SLC25A44: variants seen among roughly 807,000 people sequenced by gnomAD.
SLC25A44 encodes the protein solute carrier family 25, member 44.
SLC25A44 carries 17 observed loss-of-function variants against 29.9 expected under a neutral mutation model. The ratio of observed to expected loss-of-function variants is 0.57; its 90% CI spans 0.39 to 0.85. The LOEUF (loss-of-function observed/expected upper bound fraction) is 0.85, where lower values mean the gene tolerates loss of function less well. Ranked by LOEUF, SLC25A44 falls within the 40% of genes least tolerant of loss-of-function variation. The pLI, the probability that SLC25A44 is intolerant of heterozygous loss-of-function variation, is 0.00. For missense variants in SLC25A44, 302 were observed against 398.4 expected, an observed-to-expected ratio of 0.76 and a Z score of 2.06; for synonymous variants, 140 against 151.8, an observed-to-expected ratio of 0.92 and a Z score of 0.57.
rs35620511 is a variant in SLC25A44 at position 156,200,831 on chromosome 1, A to ATTTTTTT, written c.625+375_625+381dup. Among the ~76,000 whole-genome samples, 5 of 99,884 alleles carry ATTTTTTT rather than the reference A, an allele frequency of 5.0e-5. 1 individual carries two copies. The highest frequency in any genetic ancestry group is 2.4e-4 in the Admixed American group (2 of 8,230). 65.5% of individuals were successfully genotyped at this position (99,884 alleles called of 152,430 possible). A position where few individuals can be genotyped will look rare whatever the true frequency, so the allele number is the denominator to read the frequency against. On this transcript the variant is annotated intron_variant, in intron 2 of 3. Coordinates refer to ENST00000359511, the MANE Select transcript of SLC25A44 (RefSeq NM_014655.4). The stretch of plus-strand genomic sequence containing the variant: ...TTTTGACTTGGATGTTTTCCTCAGC[A>ATTTTTTT]TTTTTTTTTTTTTTTTTTTTTTGAG...
intron 1 of SLC25A44, among the ~76,000 whole-genome samples, chr1:156,195,482 G>A (rs1212735351): frequency 6.6e-6 from 1 of 152,138 alleles, no homozygotes; most frequent in Non-Finnish European, 1.5e-5. Context: ...CTCATCCTCC[G>A]TCCCCCGCAG....
intron 3 of SLC25A44, 82 bp downstream of exon 3, chr1:156,208,095 C>T (rs962537266): frequency 4.0e-6 from 5 of 1,254,006 alleles, no homozygotes; most frequent in African/African-American, 1.5e-5. Flanking sequence ...GTTGCCCTGA[C>T]CTCTTTGTGT....
In SLC25A44 at chr1:156,210,949, C is replaced by T. The variant is rs1443386566; in HGVS notation, c.*518C>T. 6.6e-6 allele frequency: 1 copy of T among 152,424 alleles called. No homozygotes were observed. Among genetic ancestry groups the T allele is most frequent in the Non-Finnish European group, 1.5e-5 (1 of 68,060 alleles). 9.4% of individuals were successfully genotyped at this position (152,424 alleles called of 1,614,324 possible). A position where few individuals can be genotyped will look rare whatever the true frequency, so the allele number is the denominator to read the frequency against. On this transcript the variant is annotated 3_prime_UTR_variant, in exon 4 of 4. Coordinates refer to ENST00000359511, the MANE Select transcript of SLC25A44 (RefSeq NM_014655.4). ...GCATTTGGGGCTAAGGTGCCAGGTA[C>T]TTATTTGCACAGGGAGCAGGAGCAG... is the stretch of plus-strand genomic sequence containing the variant.
intron 1 of SLC25A44, chr1:156,196,998 G>A (rs1017876918): frequency 2.0e-4 from 31 of 152,212 alleles, no homozygotes; most frequent in African/African-American, 6.5e-4. Context: ...GTGACCTTGG[G>A]CCTGTTACTT....
intron 2 of SLC25A44, among the ~76,000 whole-genome samples, chr1:156,207,287 C>T (rs1657009958): frequency 1.3e-5 from 2 of 151,746 alleles, no homozygotes; most frequent in African/African-American, 2.4e-5. Context: ...ATGCCATTCT[C>T]CTGCCTCAGC....
At chr1:156,194,693 C>T (rs2103027089) in intron 1 of SLC25A44, among the ~76,000 whole-genome samples, 1 of 152,210 alleles carries the variant, frequency 6.6e-6, no homozygotes, top group South Asian at 2.1e-4. Context: ...TTCAGTAGGA[C>T]AGGTGGGCAA....
In SLC25A44 at chr1:156,200,349, G is replaced by T; in HGVS notation, c.502G>T (p.Asp168Tyr). 6.2e-7 allele frequency: 1 copy of T among 1,614,130 alleles called. No homozygotes were observed. The highest frequency in any genetic ancestry group is 8.5e-7 in the Non-Finnish European group (1 of 1,180,042). Residue 168 changes from aspartate to tyrosine, a missense_variant, in exon 2 of 4, where the codon GAC becomes TAC. Transcript: ENST00000359511. ...GGTAGTTGCCTTTGGCCAAACCAAG[G>T]ACATCATCAGGCAGATCCTGCAGGC... ...QGVVAFGQTKDIIRQILQADG... is the reference protein window; with the variant it reads ...QGVVAFGQTKYIIRQILQADG...
At chr1:156,207,862 C>T (rs770316294) in intron 2 of SLC25A44, 24 bp from the exon 3 acceptor site, 22 of 1,613,080 alleles carry the variant, frequency 1.4e-5, no homozygotes, top group Non-Finnish European at 1.9e-5. Flanking sequence ...GTGTCTTTAG[C>T]CATTGTCTTT....
At chr1:156,206,022 A>G (rs887174007) in intron 2 of SLC25A44, among the ~76,000 whole-genome samples, 1 of 152,206 alleles carries the variant, frequency 6.6e-6, no homozygotes, top group Admixed American at 6.5e-5. Flanking sequence ...TAGCATTTTG[A>G]AAGATGAATT....
rs1376626040 is a variant in SLC25A44, at chr1:156,210,276, C to T, written c.790C>T (p.Gln264Ter). Residue 264 changes from glutamine (Q) to a stop codon, truncating the protein, a stop_gained, in exon 4 of 4, where the codon CAG becomes TAG. Transcript: ENST00000359511. LOFTEE classifies it high-confidence loss of function. The part of the protein sequence containing the change: ...GKNSIILTFR[Q>*]LMAEEGPWGL... ...GAACTCCATCATCCTGACCTTCAGA[C>T]AGCTGATGGCAGAAGAAGGGCCTTG... is the stretch of plus-strand genomic sequence containing the variant. 6.3e-7 allele frequency: 1 copy of T among 1,585,282 alleles called. No homozygotes were observed. Among genetic ancestry groups the T allele is most frequent in the Non-Finnish European group, 8.6e-7 (1 of 1,166,600 alleles).
At chr1:156,209,922 T>A (rs1657183750) in intron 3 of SLC25A44, among the ~76,000 whole-genome samples, 1 of 151,626 alleles carries the variant, frequency 6.6e-6, no homozygotes, top group Non-Finnish European at 1.5e-5. Flanking sequence ...TTATGAATAT[T>A]TTTTTTTTCT....
chr1:156,210,484 C>A lies in SLC25A44; in HGVS notation c.*53C>A. The A allele has an allele frequency of 2.1e-6, 3 of 1,397,398 alleles. No individual in the cohort carries two copies. The highest frequency in any genetic ancestry group is 2.5e-5 in the East Asian group (1 of 40,452). 86.6% of individuals were successfully genotyped at this position (1,397,398 alleles called of 1,614,324 possible). Reference sequence around the variant, plus strand: ...TTTCCACACTACCGTGGGTCAGGGGCAGAGTGGAGAGGACAGCACCCTCTC... The same window carrying A: ...TTTCCACACTACCGTGGGTCAGGGGAAGAGTGGAGAGGACAGCACCCTCTC... On this transcript the variant is annotated 3_prime_UTR_variant, in exon 4 of 4. Coordinates refer to ENST00000359511, the MANE Select transcript of SLC25A44 (RefSeq NM_014655.4).
chr1:156,212,445 C>G lies in SLC25A44; in HGVS notation c.*2014C>G, dbSNP rs971529374. On this transcript the variant is annotated 3_prime_UTR_variant, in exon 4 of 4. Transcript: ENST00000359511. ...CCCTCTTGTGTTTTTCTTTATTTCT[C>G]GTACACACACGCAGTTTTAAGGGTG... The G allele has an allele frequency of 6.6e-6, 1 of 152,614 alleles. No homozygotes were observed. The highest frequency in any genetic ancestry group is 2.4e-5 in the African/African-American group (1 of 41,430). The allele number at this position is 152,614 out of a possible 1,614,324, so 9.5% of individuals were successfully genotyped here.
At position 156,198,282 on chromosome 1, in the gene SLC25A44, A is replaced by G. The variant is rs1008206873; in HGVS notation, c.-13-1553A>G. On this transcript the variant is annotated intron_variant, in intron 1 of 3. Coordinates refer to ENST00000359511, the MANE Select transcript of SLC25A44 (RefSeq NM_014655.4). This position sits in a 1 kb window ranked among gnomAD's most constrained non-coding sequence, Gnocchi z 4.1. ...GGAGCACATCATATTACCACTAAGT[A>G]TGTCTAATAAATGATGTCCTCTGAT... The G allele has an allele frequency of 5.9e-5, 9 of 152,202 alleles. No homozygotes were observed. The highest frequency in any genetic ancestry group is 2.4e-5 in the African/African-American group (1 of 41,440). The allele number at this position is 152,202 out of a possible 1,614,324, so 9.4% of individuals were successfully genotyped here.
At chr1:156,208,521 G>A (rs1657098594) in intron 3 of SLC25A44, among the ~76,000 whole-genome samples, 1 of 152,144 alleles carries the variant, frequency 6.6e-6, no homozygotes, top group African/African-American at 2.4e-5. Context: ...TACCTGGAAT[G>A]CTTCTCACTC....
At chr1:156,206,746 T>G (rs1656954245) in intron 2 of SLC25A44, among the ~76,000 whole-genome samples, 1 of 152,100 alleles carries the variant, frequency 6.6e-6, no homozygotes, top group South Asian at 2.1e-4. Context: ...TTGTCCAGTC[T>G]GGTTGCAAAC....
At chr1:156,206,188 GTTCCCT>G (rs1382550141) in intron 2 of SLC25A44, among the ~76,000 whole-genome samples, 4 of 151,162 alleles carry the variant, frequency 2.6e-5, no homozygotes, top group African/African-American at 9.7e-5. Flanking sequence ...TACCCACCTG[GTTCCCT>G]TCTGTAGAGA....
At chr1:156,204,853 ACT>A (rs997391063) in intron 2 of SLC25A44, among the ~76,000 whole-genome samples, 5 of 151,850 alleles carry the variant, frequency 3.3e-5, no homozygotes, top group Admixed American at 2.0e-4. Context: ...CCACCAGTTC[ACT>A]CTGTTTCTGT....
Position 156,210,787 on chromosome 1 carries a change from C to G in SLC25A44, c.*356C>G, listed in dbSNP as rs1336198441. Reference sequence around the variant, plus strand: ...AAGAGCTGTACATAGAGCTTGCTTACTACCACTGGTTCTTCCTCTTGGGCT... The same window carrying G: ...AAGAGCTGTACATAGAGCTTGCTTAGTACCACTGGTTCTTCCTCTTGGGCT... On this transcript the variant is annotated 3_prime_UTR_variant, in exon 4 of 4. Coordinates refer to ENST00000359511, the MANE Select transcript of SLC25A44 (RefSeq NM_014655.4). 1 of 155,212 alleles carries G rather than the reference C, an allele frequency of 6.4e-6. No individual in the cohort carries two copies. Among genetic ancestry groups the G allele is most frequent in the Non-Finnish European group, 1.4e-5 (1 of 71,748 alleles). The allele number at this position is 155,212 out of a possible 1,614,324, so 9.6% of individuals were successfully genotyped here.
Sources: allele counts gnomAD v4.1 joint callset (sites outside exome capture counted in the v4.1 genomes callset), GRCh38; gene constraint gnomAD v4.1.1; non-coding constraint Gnocchi (gnomAD v3.1); transcripts MANE v1.5; gene names NCBI Gene and HGNC (gene_info 2026-07-23, HGNC 2026-07-21).